The following MIPOL1 variants were observed in gnomAD, a reference collection of about 807,000 sequenced individuals.
MIPOL1 encodes the protein mirror-image polydactyly 1, also known as mirror-image polydactyly gene 1 protein.
MIPOL1 carries 57 observed loss-of-function variants against 60.9 expected under a neutral mutation model. The ratio of observed to expected loss-of-function variants is 0.94; its 90% CI spans 0.76 to 1.17. The LOEUF (loss-of-function observed/expected upper bound fraction) is 1.17. MIPOL1 is among the 50% of genes most tolerant of loss of function. The pLI is 0.00. For missense variants in MIPOL1, 551 were observed against 511.6 expected, an observed-to-expected ratio of 1.08 and a Z score of -0.74; for synonymous variants, 179 against 168.8, an observed-to-expected ratio of 1.06 and a Z score of -0.47.
At chr14:37,484,631 C>T (rs983501124) in intron 11 of MIPOL1, among the ~76,000 whole-genome samples, 1 of 152,118 alleles carries the variant, frequency 6.6e-6, no homozygotes, top group East Asian at 1.9e-4. Context: ...CCACCACACC[C>T]AGCCGTTAGA....
At chr14:37,509,726 C>T (rs2095310772) in intron 12 of MIPOL1, among the ~76,000 whole-genome samples, 1 of 150,686 alleles carries the variant, frequency 6.6e-6, no homozygotes, top group African/African-American at 2.4e-5. Flanking sequence ...TACGTTTATA[C>T]ACATGTGTAT....
At chr14:37,303,448 T>C (rs1483946016) in intron 7 of MIPOL1, among the ~76,000 whole-genome samples, 1 of 151,870 alleles carries the variant, frequency 6.6e-6, no homozygotes, top group Non-Finnish European at 1.5e-5. Context: ...AAACTGATCT[T>C]TTATTTGGTT....
intron 1 of MIPOL1, among the ~76,000 whole-genome samples, chr14:37,245,019 T>C (rs950649565): frequency 5.9e-5 from 9 of 152,112 alleles, no homozygotes; most frequent in African/African-American, 2.2e-4. Context: ...TGAATCCAAA[T>C]TCATAAAGAG....
At chr14:37,478,893 CTG>C (rs937608834) in intron 11 of MIPOL1, among the ~76,000 whole-genome samples, 83 of 151,418 alleles carry the variant, frequency 5.5e-4, no homozygotes, top group African/African-American at 2.0e-3. Context: ...AAGTCAAAAA[CTG>C]TAAAAAAAAA....
At chr14:37,469,644 G>A (rs1034708349) in intron 11 of MIPOL1, among the ~76,000 whole-genome samples, 1 of 152,118 alleles carries the variant, frequency 6.6e-6, no homozygotes, top group African/African-American at 2.4e-5. Flanking sequence ...GGAAATTATT[G>A]CCACTATAAC....
chr14:37,200,273 TCTTTA>T (rs1965020175), intron 1 of MIPOL1, among the ~76,000 whole-genome samples: 2 of 152,352 alleles, frequency 1.3e-5, no homozygotes, highest in African/African-American at 4.8e-5. Flanking sequence ...GTTTTTTTCC[TCTTTA>T]CTTTGTTCCC....
chr14:37,398,093 G>A (rs1180790017), intron 10 of MIPOL1, among the ~76,000 whole-genome samples: 4 of 152,060 alleles, frequency 2.6e-5, no homozygotes, highest in African/African-American at 9.7e-5. Context: ...GGATCCCTGT[G>A]GTGCCAGGCA....
At chr14:37,288,036 T>A (rs973055474) in intron 7 of MIPOL1, among the ~76,000 whole-genome samples, 2 of 152,212 alleles carry the variant, frequency 1.3e-5, no homozygotes, top group African/African-American at 4.8e-5. Flanking sequence ...AGAGAGTTTA[T>A]TGGGGCCAAG....
At chr14:37,360,658 G>A (rs2092173425) in intron 9 of MIPOL1, among the ~76,000 whole-genome samples, 1 of 151,962 alleles carries the variant, frequency 6.6e-6, no homozygotes. Flanking sequence ...GGGATCGGTG[G>A]TGATATCCCC....
intron 11 of MIPOL1, among the ~76,000 whole-genome samples, chr14:37,461,362 T>C (rs931372204): frequency 2.6e-5 from 4 of 152,072 alleles, no homozygotes; most frequent in Non-Finnish European, 2.9e-5. Flanking sequence ...TCAGATCACA[T>C]GAGACCCATT....
chr14:37,233,652 G>A (rs180820221), intron 1 of MIPOL1, among the ~76,000 whole-genome samples: 2 of 152,134 alleles, frequency 1.3e-5, no homozygotes, highest in Admixed American at 6.5e-5. Flanking sequence ...GGACTATAAG[G>A]TGAATACTTA....
rs115052739 is a variant in MIPOL1 at position 37,428,589 on chromosome 14, C to T, written c.1031+5640C>T. Among the ~76,000 whole-genome samples, 764 of 151,768 alleles carry T rather than the reference C, an allele frequency of 5.0e-3. 5 individuals carry two copies. The highest frequency in any genetic ancestry group is 0.017 in the African/African-American group (718 of 41,398). The stretch of plus-strand genomic sequence containing the variant: ...GGAAACAGAGTGAGACTCTGTCTCC[C>T]CAGTTTTTTTCTTCTTTACTAATTA... On this transcript the variant is annotated intron_variant, in intron 11 of 12. Coordinates refer to ENST00000684589, the MANE Select transcript of MIPOL1 (RefSeq NM_001388067.1).
intron 7 of MIPOL1, among the ~76,000 whole-genome samples, chr14:37,289,032 T>C (rs2084827066): frequency 1.3e-5 from 2 of 152,202 alleles, no homozygotes; most frequent in Non-Finnish European, 2.9e-5. Flanking sequence ...GCCACGTTAG[T>C]TTTTATAGCC....
intron 1 of MIPOL1, among the ~76,000 whole-genome samples, chr14:37,203,375 C>T (rs1251570829): frequency 6.6e-6 from 1 of 152,106 alleles, no homozygotes; most frequent in Admixed American, 6.6e-5. Flanking sequence ...GCCAAGAGAC[C>T]GTAGGGGTCA....
At chr14:37,340,246 T>TA (rs1031274491) in intron 9 of MIPOL1, among the ~76,000 whole-genome samples, 22 of 151,862 alleles carry the variant, frequency 1.4e-4, no homozygotes, top group Admixed American at 9.8e-4. Context: ...TGTCTTTGTT[T>TA]AAAAAAAAGC....
intron 6 of MIPOL1, among the ~76,000 whole-genome samples, chr14:37,280,672 G>C (rs1037437601): frequency 6.6e-6 from 1 of 151,726 alleles, no homozygotes; most frequent in African/African-American, 2.4e-5. Context: ...ATTTTATTTA[G>C]TTTTGAGACT....
intron 10 of MIPOL1, among the ~76,000 whole-genome samples, chr14:37,420,650 C>A (rs2093856112): frequency 6.6e-6 from 1 of 151,972 alleles, no homozygotes; most frequent in African/African-American, 2.4e-5. Flanking sequence ...CCAACTTACC[C>A]CCCAACAAAG....
intron 12 of MIPOL1, among the ~76,000 whole-genome samples, chr14:37,516,604 T>G (rs1005222517): frequency 3.3e-5 from 5 of 152,198 alleles, no homozygotes; most frequent in African/African-American, 1.2e-4. Context: ...AGACGTTGTT[T>G]AGTACAAAGG....
chr14:37,263,720 A>T (rs968925788), intron 3 of MIPOL1, among the ~76,000 whole-genome samples: 2 of 152,208 alleles, frequency 1.3e-5, no homozygotes, highest in Non-Finnish European at 1.5e-5. Flanking sequence ...ATGAAGTTGA[A>T]TAGTATTAAT....
Sources: gnomAD v4.1 joint callset for allele counts (sites outside exome capture counted in the v4.1 genomes callset) on GRCh38, gnomAD v4.1.1 for gene constraint, MANE v1.5 for transcripts, NCBI Gene and HGNC (gene_info 2026-07-23, HGNC 2026-07-21) for gene names.